GABRA2: variants seen among roughly 807,000 people sequenced by gnomAD.
GABRA2 encodes the protein gamma-aminobutyric acid receptor subunit alpha-2.
In GABRA2, 16 loss-of-function variants were observed where a neutral mutation model predicts 48.7. The observed-to-expected ratio is 0.33, with a 90% CI of 0.22 to 0.50. GABRA2 has a LOEUF of 0.50. Among genes scored for constraint, GABRA2 ranks in the 20% least tolerant of loss-of-function variants. GABRA2 has a pLI of 0.98. For missense variants in GABRA2, 275 were observed against 535.6 expected (o/e 0.51, Z 4.80); for synonymous variants, 185 against 184.5 (o/e 1.00, Z -0.02).
At chr4:46,320,394 C>A (rs549639373) in intron 4 of GABRA2, among the ~76,000 whole-genome samples, 2 of 151,936 alleles carry the variant, frequency 1.3e-5, no homozygotes, top group Admixed American at 6.6e-5. Context: ...TTGAACATCA[C>A]TCCAAAAGCT....
At chr4:46,361,731 G>T (rs1176543046) in intron 3 of GABRA2, among the ~76,000 whole-genome samples, 1 of 152,246 alleles carries the variant, frequency 6.6e-6, no homozygotes, top group Non-Finnish European at 1.5e-5. Flanking sequence ...GCCTGTGAAA[G>T]CAGCCAGGAG....
intron 3 of GABRA2, among the ~76,000 whole-genome samples, chr4:46,357,134 T>A (rs1041497444): frequency 1.3e-5 from 2 of 151,804 alleles, no homozygotes; most frequent in African/African-American, 4.8e-5. Flanking sequence ...TCTACATACA[T>A]AAAACAGTGA....
At chr4:46,273,780 T>G (rs1038979725) in intron 8 of GABRA2, among the ~76,000 whole-genome samples, 52 of 152,054 alleles carry the variant, frequency 3.4e-4, no homozygotes, top group African/African-American at 1.2e-3. Context: ...ATATTTAAGG[T>G]GTTGGCCATG....
intron 4 of GABRA2, among the ~76,000 whole-genome samples, chr4:46,323,712 C>A (rs769235265): frequency 1.4e-4 from 21 of 150,286 alleles, no homozygotes; most frequent in Non-Finnish European, 2.8e-4. Flanking sequence ...GGAAGATTTT[C>A]ATAAGCCTGT....
intron 4 of GABRA2, among the ~76,000 whole-genome samples, chr4:46,315,942 TACACACACAC>T (rs969052829): frequency 1.1e-4 from 16 of 148,216 alleles, no homozygotes; most frequent in South Asian, 4.2e-4. Flanking sequence ...AGTACATATA[TACACACACAC>T]ACACACACAC....
chr4:46,381,245 G>A (rs184659704), intron 3 of GABRA2, among the ~76,000 whole-genome samples: 48 of 152,228 alleles, frequency 3.2e-4, no homozygotes, highest in Middle Eastern at 3.4e-3. Context: ...AAATTGATCC[G>A]AAATAACAAA....
chr4:46,299,929 A>G (rs1446873538), intron 8 of GABRA2, among the ~76,000 whole-genome samples: 2 of 151,912 alleles, frequency 1.3e-5, no homozygotes. Context: ...CTTAGAAAAG[A>G]GATATTACAA....
intron 2 of GABRA2, among the ~76,000 whole-genome samples, chr4:46,388,233 A>G (rs10014579): frequency 0.3 from 44,910 of 151,806 alleles, 6,952 homozygotes; most frequent in Middle Eastern, 0.33. Context: ...AAAAGAAAAG[A>G]AAAAGGAAAA....
chr4:46,305,500 C>T lies in GABRA2; in HGVS notation c.703+68G>A, dbSNP rs1726524749. 9.2e-6 allele frequency: 13 copies of T among 1,415,114 alleles called. No individual in the cohort carries two copies. The South Asian group carries it at 1.7e-4, about 18-fold the overall frequency. The allele number at this position is 1,415,114 out of a possible 1,614,324, so 87.7% of individuals were successfully genotyped here. ...GCAAAAGATTTTAAGCAATCTGACACACTTCCAAGTCCTTTAACCTATTAA... is the reference window on the plus strand; with the variant it reads ...GCAAAAGATTTTAAGCAATCTGACATACTTCCAAGTCCTTTAACCTATTAA... On this transcript the variant is annotated intron_variant, in intron 7 of 9. Transcript: ENST00000381620.
At chr4:46,368,838 T>A (rs1260873222) in intron 3 of GABRA2, 1 of 459,892 alleles carries the variant, frequency 2.2e-6, no homozygotes, top group Non-Finnish European at 3.9e-6. Flanking sequence ...AATGATCAGA[T>A]AAAACTCAAC....
intron 8 of GABRA2, among the ~76,000 whole-genome samples, chr4:46,274,130 T>C (rs898752069): frequency 2.0e-5 from 3 of 152,228 alleles, no homozygotes; most frequent in Admixed American, 6.5e-5. Flanking sequence ...CTGATGAACA[T>C]TTCTATGTAT....
chr4:46,257,785 T>C (rs73244121), intron 9 of GABRA2, among the ~76,000 whole-genome samples: 27,930 of 151,374 alleles, frequency 0.18, 3,055 homozygotes, highest in Non-Finnish European at 0.25. Context: ...AAAAAAACTA[T>C]AAAAAGTATG....
At chr4:46,315,672 C>A (rs924396453) in intron 4 of GABRA2, among the ~76,000 whole-genome samples, 3 of 152,078 alleles carry the variant, frequency 2.0e-5, no homozygotes, top group East Asian at 3.9e-4. Flanking sequence ...CTTTGCCTCC[C>A]AAATAGCTTA....
chr4:46,357,666 C>CTTTTTTTT, intron 3 of GABRA2, among the ~76,000 whole-genome samples: 1 of 133,080 alleles, frequency 7.5e-6, no homozygotes, highest in Admixed American at 7.5e-5. Flanking sequence ...TATTTTCTTT[C>CTTTTTTTT]TTTTTTTTTT....
At chr4:46,357,666 C>CTTT (rs530230630) in intron 3 of GABRA2, among the ~76,000 whole-genome samples, 1 of 133,082 alleles carries the variant, frequency 7.5e-6, no homozygotes, top group African/African-American at 2.8e-5. Context: ...TATTTTCTTT[C>CTTT]TTTTTTTTTT....
chr4:46,299,942 T>C (rs1299419868), intron 8 of GABRA2, among the ~76,000 whole-genome samples: 1 of 151,906 alleles, frequency 6.6e-6, no homozygotes, highest in Non-Finnish European at 1.5e-5. Context: ...TATTACAATC[T>C]ACTTCATTGG....
At chr4:46,313,136 TAAATAAA>T (rs1727941639) in intron 4 of GABRA2, among the ~76,000 whole-genome samples, 1 of 138,704 alleles carries the variant, frequency 7.2e-6, no homozygotes, top group African/African-American at 2.6e-5. Flanking sequence ...AATAAATAAA[TAAATAAA>T]TAAATAAATA....
At chr4:46,382,193 C>CATATATAT (rs71652883) in intron 3 of GABRA2, among the ~76,000 whole-genome samples, 202 of 148,430 alleles carry the variant, frequency 1.4e-3, no homozygotes, top group African/African-American at 4.9e-3. Context: ...CACACACACA[C>CATATATAT]ATATATATAT....
At chr4:46,301,020 C>A (rs184135207) in intron 8 of GABRA2, among the ~76,000 whole-genome samples, 112 of 152,140 alleles carry the variant, frequency 7.4e-4, no homozygotes, top group African/African-American at 2.6e-3. Context: ...GCTTTAGTTA[C>A]GCAAGATAAA....
Sources: gnomAD v4.1 joint callset for allele counts (sites outside exome capture counted in the v4.1 genomes callset) on GRCh38, gnomAD v4.1.1 for gene constraint, MANE v1.5 for transcripts, NCBI Gene and HGNC (gene_info 2026-07-23, HGNC 2026-07-21) for gene names.